Variants in VPS53 observed in about 807,000 individuals in gnomAD.
VPS53 encodes vacuolar protein sorting-associated protein 53 homolog.
VPS53 carries 70 observed loss-of-function variants against 107.0 expected under a neutral mutation model. The ratio of observed to expected loss-of-function variants is 0.65; its 90% confidence interval spans 0.54 to 0.80. The LOEUF is 0.80. Among genes scored for constraint, VPS53 ranks in the 30% least tolerant of loss-of-function variants. The pLI is 0.00. For synonymous variants in VPS53, 409 were observed against 393.3 expected, an observed-to-expected ratio of 1.04 and a Z score of -0.47; for missense variants, 917 against 1,049.4, an observed-to-expected ratio of 0.87 and a Z score of 1.74.
intron 11 of VPS53, among the ~76,000 whole-genome samples, chr17:619,400 T>C (rs1969349482): frequency 7.2e-6 from 1 of 139,624 alleles, no homozygotes; most frequent in African/African-American, 2.7e-5. Context: ...ATTTCCCGGG[T>C]AGCTGGGACT....
At chr17:677,668 G>C (rs1483428687) in intron 4 of VPS53, among the ~76,000 whole-genome samples, 1 of 151,844 alleles carries the variant, frequency 6.6e-6, no homozygotes, top group African/African-American at 2.4e-5. Flanking sequence ...AAAAACCACT[G>C]AACAGTATAC....
At chr17:657,866 G>A (rs566512570) in intron 5 of VPS53, among the ~76,000 whole-genome samples, 5 of 151,924 alleles carry the variant, frequency 3.3e-5, no homozygotes, top group South Asian at 2.1e-4. Flanking sequence ...TGAGAAACTC[G>A]GCAGGGAGTT....
intron 11 of VPS53, among the ~76,000 whole-genome samples, chr17:609,515 A>T (rs1031276531): frequency 1.2e-4 from 18 of 151,722 alleles, no homozygotes; most frequent in African/African-American, 4.1e-4. Flanking sequence ...ATGTGTAATT[A>T]AAAAAAAAGA....
At chr17:691,118 A>T (rs1255067107) in intron 4 of VPS53, among the ~76,000 whole-genome samples, 1 of 152,222 alleles carries the variant, frequency 6.6e-6, no homozygotes, top group Non-Finnish European at 1.5e-5. Context: ...TGGAAATTGC[A>T]TTATAAAGAT....
chr17:600,138 T>C (rs577902323), intron 12 of VPS53: 2 of 152,324 alleles, frequency 1.3e-5, no homozygotes, highest in Non-Finnish European at 2.9e-5. Context: ...AAAATTACAT[T>C]TTACCTGGCA....
rs377034716 is a variant in VPS53, at chr17:613,312, C to T, written c.1116+10221G>A. On this transcript the variant is annotated intron_variant, in intron 11 of 21. Coordinates refer to ENST00000437048, the MANE Select transcript of VPS53 (RefSeq NM_001128159.3). The stretch of plus-strand genomic sequence containing the variant: ...CAGCAGTATTCAAATAGTGAATTCA[C>T]ACAGTGAAAACCTGTACAAATATTC... Among the ~76,000 whole-genome samples the T allele has an allele frequency of 2.7e-5, 4 of 148,516 alleles. No homozygotes were observed. In the South Asian group the frequency reaches 8.6e-4, roughly 32 times the overall value.
chr17:580,725 G>A (rs142239415), intron 13 of VPS53, among the ~76,000 whole-genome samples: 303 of 135,426 alleles, frequency 2.2e-3, no homozygotes, highest in African/African-American at 7.5e-3. Flanking sequence ...TAATGCGTTC[G>A]CAGAGAAATT....
At chr17:645,081 G>A (rs1970632323) in intron 7 of VPS53, among the ~76,000 whole-genome samples, 1 of 152,208 alleles carries the variant, frequency 6.6e-6, no homozygotes, top group Non-Finnish European at 1.5e-5. Context: ...GATTATAACA[G>A]TGATTATTAA....
Position 519,115 on chromosome 17 carries a change from C to A in VPS53, c.*13G>T. On this transcript the variant is annotated 3_prime_UTR_variant, in exon 22 of 22. Coordinates refer to ENST00000437048, the MANE Select transcript of VPS53 (RefSeq NM_001128159.3). This position sits in a 1 kb window ranked among gnomAD's most constrained non-coding sequence, Gnocchi z 5.0. ...AGGGTCTCCAGCCAGGAGCAAAGGG[C>A]CCCTTGCTGCTGCTACAGTCTCTTT... is the stretch of plus-strand genomic sequence containing the variant. 1 of 1,491,772 alleles carries A rather than the reference C, an allele frequency of 6.7e-7. No homozygotes were observed. The allele number at this position is 1,491,772 out of a possible 1,614,324, so 92.4% of individuals were successfully genotyped here. A position where few individuals can be genotyped will look rare whatever the true frequency, so the allele number is the denominator to read the frequency against.
chr17:536,373 T>C (rs1021754348), intron 18 of VPS53: 3 of 151,440 alleles, frequency 2.0e-5, no homozygotes, highest in African/African-American at 7.2e-5. Context: ...CGATGGCTCC[T>C]ACCCTTAAGA....
At chr17:707,940 A>G (rs1340046326) in intron 2 of VPS53, among the ~76,000 whole-genome samples, 2 of 151,892 alleles carry the variant, frequency 1.3e-5, no homozygotes, top group Admixed American at 6.6e-5. Flanking sequence ...GAGGACAGAG[A>G]TCCTCCAGGA....
chr17:566,528 C>G (rs1913528258), intron 13 of VPS53, among the ~76,000 whole-genome samples: 1 of 152,156 alleles, frequency 6.6e-6, no homozygotes. Context: ...ACATACTTAC[C>G]TGATCAACCT....
intron 12 of VPS53, among the ~76,000 whole-genome samples, chr17:601,237 G>C (rs558794548): frequency 6.6e-6 from 1 of 152,350 alleles, no homozygotes; most frequent in South Asian, 2.1e-4. Flanking sequence ...GTAGGATGAA[G>C]GGAGAGGAAA....
At chr17:706,053 A>T (rs1320442481) in intron 2 of VPS53, 1 of 152,132 alleles carries the variant, frequency 6.6e-6, no homozygotes, top group Non-Finnish European at 1.5e-5. Context: ...ACGCTATCAC[A>T]TTTAAGCCGA....
Position 570,924 on chromosome 17 carries a change from G to A in VPS53, c.1314-8179C>T, listed in dbSNP as rs557015428. Among the ~76,000 whole-genome samples, 4 of 152,298 alleles carry A rather than the reference G, an allele frequency of 2.6e-5. No individual in the cohort carries two copies. In the South Asian group the frequency reaches 6.2e-4, roughly 24 times the overall value. Reference sequence around the variant, plus strand: ...CGTTAATTTCCTGATGTGGACAGTTGTACTGTGGTTATGTAGAAACCTTGT... The same window carrying A: ...CGTTAATTTCCTGATGTGGACAGTTATACTGTGGTTATGTAGAAACCTTGT... On this transcript the variant is annotated intron_variant, in intron 13 of 21. Transcript: ENST00000437048.
chr17:669,348 G>A (rs945716624), intron 4 of VPS53, among the ~76,000 whole-genome samples: 2 of 152,006 alleles, frequency 1.3e-5, no homozygotes, highest in East Asian at 1.9e-4. Flanking sequence ...ATCCCAGCAC[G>A]CTGCAAGGCT....
chr17:517,028 A>G lies in VPS53; in HGVS notation c.*2100T>C. On this transcript the variant is annotated 3_prime_UTR_variant, in exon 22 of 22. Transcript: ENST00000437048. Reference sequence around the variant, plus strand: ...CCCAGCTCTCCTGGGTTGAGGACAGACGGCTGAACTGGCTGTGCTATTTGG... The same window carrying G: ...CCCAGCTCTCCTGGGTTGAGGACAGGCGGCTGAACTGGCTGTGCTATTTGG... 1 of 161,520 alleles carries G rather than the reference A, an allele frequency of 6.2e-6. No individual in the cohort carries two copies. Among genetic ancestry groups the G allele is most frequent in the Non-Finnish European group, 1.3e-5 (1 of 74,474 alleles). The allele number at this position is 161,520 out of a possible 1,614,324, so 10.0% of individuals were successfully genotyped here.
chr17:647,967 C>T (rs1343772293), intron 7 of VPS53, among the ~76,000 whole-genome samples: 2 of 152,248 alleles, frequency 1.3e-5, no homozygotes, highest in Non-Finnish European at 1.5e-5. Context: ...TCTGCACCCA[C>T]ACCGTGAATG....
intron 13 of VPS53, among the ~76,000 whole-genome samples, chr17:585,583 A>G (rs548110855): frequency 6.6e-6 from 1 of 152,272 alleles, no homozygotes; most frequent in Non-Finnish European, 1.5e-5. Context: ...TGGAGGATGC[A>G]GTAAGTCATA....
Sources: gnomAD v4.1 joint callset for allele counts (sites outside exome capture counted in the v4.1 genomes callset) on GRCh38, gnomAD v4.1.1 for gene constraint, Gnocchi (gnomAD v3.1) non-coding constraint, MANE v1.5 for transcripts, NCBI Gene and HGNC (gene_info 2026-07-23, HGNC 2026-07-21) for gene names.